Variants in TSGA10IP observed in about 807,000 individuals in gnomAD.
TSGA10IP encodes testis specific 10 interacting protein.
TSGA10IP carries 64 observed loss-of-function variants against 63.2 expected under a neutral mutation model. That is an observed-to-expected ratio of 1.01 (90% CI 0.83 to 1.25). TSGA10IP has a LOEUF of 1.25. TSGA10IP is among the 50% of genes most tolerant of loss of function. TSGA10IP has a pLI of 0.00. For missense variants in TSGA10IP, 681 were observed against 710.1 expected (o/e 0.96, Z 0.47); for synonymous variants, 316 against 298.3 (o/e 1.06, Z -0.61).
At chr11:65,953,870 A>G (rs1447400378) in intron 5 of TSGA10IP, 133 bp downstream of exon 5, 3 of 683,760 alleles carry the variant, frequency 4.4e-6, no homozygotes, top group Non-Finnish European at 6.5e-6. Context: ...CCGCGTTTCC[A>G]GATAAGGACG....
intron 5 of TSGA10IP, 38 bp downstream of exon 5, chr11:65,953,775 G>A (rs1854984108): frequency 4.8e-6 from 7 of 1,452,250 alleles, no homozygotes; most frequent in African/African-American, 1.5e-5. Context: ...GGTTGGGAGA[G>A]GGCAGGGAGG....
chr11:65,949,563 C>A (rs571944989), intron 4 of TSGA10IP, among the ~76,000 whole-genome samples: 3 of 151,876 alleles, frequency 2.0e-5, no homozygotes, highest in African/African-American at 7.3e-5. Context: ...ACTACAGGAG[C>A]CCACCACCAC....
At chr11:65,951,002 A>G (rs1246000581) in intron 4 of TSGA10IP, among the ~76,000 whole-genome samples, 2 of 152,164 alleles carry the variant, frequency 1.3e-5, no homozygotes, top group Admixed American at 1.3e-4. Context: ...AGTGTCCTCC[A>G]GGTTTATGCA....
chr11:65,951,560 T>C (rs1211826780), intron 4 of TSGA10IP, among the ~76,000 whole-genome samples: 1 of 65,272 alleles, frequency 1.5e-5, no homozygotes, highest in Non-Finnish European at 3.2e-5. Context: ...TATTTTGAGA[T>C]GGAGTCTCGC....
rs1268010757 is a variant in TSGA10IP at position 65,948,308 on chromosome 11, CCATCCAT to C, written c.1151+162_1151+168del. ...TCCATCCATCCATCCATCCATCCAT[CCATCCAT>C]CCACCCATCCATCCATCTATCCAAC... On this transcript the variant is annotated intron_variant, in intron 4 of 7. Coordinates refer to ENST00000532620, the Ensembl canonical transcript of TSGA10IP. Among the ~76,000 whole-genome samples, 7 of 152,130 alleles carry C rather than the reference CCATCCAT, an allele frequency of 4.6e-5. No individual in the cohort carries two copies. The East Asian group carries it at 1.2e-3, about 25-fold the overall frequency.
chr11:65,948,824 A>G (rs578098753), intron 4 of TSGA10IP, among the ~76,000 whole-genome samples: 1 of 151,908 alleles, frequency 6.6e-6, no homozygotes, highest in East Asian at 1.9e-4. Flanking sequence ...AAATATAAAA[A>G]ATTATCCAAG....
chr11:65,947,151 A>G (rs1396646847), exon 3 of TSGA10IP: 1 of 1,611,604 alleles, frequency 6.2e-7, no homozygotes. Context: ...TTCCCCTTCC[A>G]GTGGGCCTGG....
At chr11:65,953,245 G>A (rs965390407) in intron 4 of TSGA10IP, among the ~76,000 whole-genome samples, 5 of 151,886 alleles carry the variant, frequency 3.3e-5, no homozygotes, top group African/African-American at 9.7e-5. Context: ...TGACCAAGCT[G>A]GTCTCAAACT....
intron 5 of TSGA10IP, among the ~76,000 whole-genome samples, chr11:65,954,376 G>A (rs1374670936): frequency 2.0e-5 from 3 of 148,312 alleles, no homozygotes; most frequent in East Asian, 2.0e-4. Context: ...GGGTTTCACC[G>A]TGTTAGCCAG....
exon 4 of TSGA10IP, chr11:65,948,024 A>C (rs1438916136): frequency 1.3e-6 from 2 of 1,564,412 alleles, no homozygotes; most frequent in Admixed American, 3.8e-5. Flanking sequence ...GCCCTGGAAG[A>C]CTTTGAGGGC....
exon 1 of TSGA10IP, chr11:65,945,740 C>T: frequency 1.2e-6 from 2 of 1,612,072 alleles, no homozygotes; most frequent in Non-Finnish European, 1.7e-6. Context: ...TCGGTGCGAC[C>T]AGGGCAGGAC....
rs769560691 is a variant in TSGA10IP, at chr11:65,947,432, A to G, written c.607A>G (p.Arg203Gly). The G allele has an allele frequency of 6.8e-5, 109 of 1,591,850 alleles. 1 individual carries two copies. Among genetic ancestry groups the G allele is most frequent in the Non-Finnish European group, 5.9e-5 (68 of 1,161,734 alleles). ...CCCCAGTGGTCTCCAGCTGCCTGGGAGGAGGCCAGGATCAGGATCGGCGTC... is the reference window on the plus strand; with the variant it reads ...CCCCAGTGGTCTCCAGCTGCCTGGGGGGAGGCCAGGATCAGGATCGGCGTC... The change falls in exon 3 of 8, where the codon AGG becomes GGG. Residue 203 changes from arginine (R) to glycine (G), a missense_variant. By Grantham distance (125) the Arg-to-Gly change is moderately radical (BLOSUM62 -2). Transcript: ENST00000532620.
intron 5 of TSGA10IP, among the ~76,000 whole-genome samples, chr11:65,954,960 G>C (rs1186598594): frequency 3.3e-5 from 5 of 152,242 alleles, no homozygotes; most frequent in Admixed American, 2.0e-4. Flanking sequence ...AGGTGGACCT[G>C]TGGTGGGCGC....
chr11:65,957,371 G>A (rs933306524), intron 5 of TSGA10IP, among the ~76,000 whole-genome samples: 9 of 152,058 alleles, frequency 5.9e-5, no homozygotes, highest in Non-Finnish European at 1.2e-4. Flanking sequence ...GGATGGTCTC[G>A]ATCTCCTGAC....
chr11:65,959,029 C>G, intron 6 of TSGA10IP, 47 bp downstream of exon 6: 6 of 1,601,300 alleles, frequency 3.7e-6, no homozygotes, highest in Non-Finnish European at 5.1e-6. Context: ...CTGTGAAGAG[C>G]TGGCTGAGTG....
intron 4 of TSGA10IP, among the ~76,000 whole-genome samples, chr11:65,948,615 G>A (rs1218682274): frequency 6.6e-6 from 1 of 152,092 alleles, no homozygotes; most frequent in Non-Finnish European, 1.5e-5. Flanking sequence ...GATCAAGACT[G>A]CAGTGAGCTA....
chr11:65,951,821 C>G (rs915259042), intron 4 of TSGA10IP, among the ~76,000 whole-genome samples: 6 of 150,400 alleles, frequency 4.0e-5, no homozygotes, highest in South Asian at 2.1e-4. Flanking sequence ...GTTGAGATTA[C>G]AGGTGTGAGT....
intron 4 of TSGA10IP, among the ~76,000 whole-genome samples, chr11:65,953,121 C>T (rs1854967270): frequency 6.7e-6 from 1 of 148,976 alleles, no homozygotes; most frequent in Non-Finnish European, 1.5e-5. Context: ...ACCTCTGCTT[C>T]CCTGGTTCAA....
chr11:65,947,020 A>C lies in TSGA10IP; in HGVS notation c.284+4A>C. ...AGGGCTCTGAAGAGTCTGAAGAGTA[A>C]GCAGCAGTGGGATGGGTCAGGAGGC... On this transcript the variant is annotated splice_donor_region_variant and intron_variant, in intron 2 of 7. Coordinates refer to ENST00000532620, the Ensembl canonical transcript of TSGA10IP. 6.2e-7 allele frequency: 1 copy of C among 1,613,956 alleles called. No homozygotes were observed. The highest frequency in any genetic ancestry group is 2.2e-5 in the East Asian group (1 of 44,878).
Sources: gnomAD v4.1 joint callset for allele counts (sites outside exome capture counted in the v4.1 genomes callset) on GRCh38, gnomAD v4.1.1 for gene constraint, MANE v1.5 for transcripts, NCBI Gene and HGNC (gene_info 2026-07-23, HGNC 2026-07-21) for gene names.